Variants in LDLRAD4 observed in about 807,000 individuals in gnomAD.
LDLRAD4 encodes low-density lipoprotein receptor class A domain-containing protein 4.
In LDLRAD4, 5 loss-of-function variants were observed where a neutral mutation model predicts 17.0. The ratio of observed to expected loss-of-function variants is 0.29; its 90% confidence interval spans 0.15 to 0.62. The LOEUF (loss-of-function observed/expected upper bound fraction) is 0.62, where lower values mean the gene tolerates loss of function less well. Ranked by LOEUF, LDLRAD4 falls within the 20% of genes least tolerant of loss-of-function variation. The pLI is 0.84. For missense variants in LDLRAD4, 340 were observed against 424.7 expected (o/e 0.80, Z 1.75); for synonymous variants, 168 against 171.8 (o/e 0.98, Z 0.17).
chr18:13,489,017 G>T (rs1164861106), intron 3 of LDLRAD4: 1 of 152,222 alleles, frequency 6.6e-6, no homozygotes, highest in African/African-American at 2.4e-5. Flanking sequence ...AAGTGTGGGG[G>T]CAGACTCAAG....
intron 1 of LDLRAD4, among the ~76,000 whole-genome samples, chr18:13,315,789 A>G (rs945040754): frequency 1.3e-5 from 2 of 151,922 alleles, no homozygotes; most frequent in African/African-American, 4.8e-5. Context: ...CGTCTAAAAA[A>G]AAAAAAAAAA....
At chr18:13,544,775 C>A (rs1409789334) in intron 3 of LDLRAD4, among the ~76,000 whole-genome samples, 2 of 151,972 alleles carry the variant, frequency 1.3e-5, no homozygotes, top group African/African-American at 4.8e-5. Context: ...AGTGATTTTG[C>A]ACAGACCAAG....
intron 1 of LDLRAD4, among the ~76,000 whole-genome samples, chr18:13,334,394 C>T (rs550995536): frequency 2.6e-5 from 4 of 152,204 alleles, no homozygotes; most frequent in Non-Finnish European, 4.4e-5. Flanking sequence ...TGTGCCAGCA[C>T]GCCTGGCTAA....
In LDLRAD4 at chr18:13,513,041, C is replaced by T. The variant is rs371503444; in HGVS notation, c.181+74657C>T. The stretch of plus-strand genomic sequence containing the variant: ...GTTGCTCAGCAGCAGTTCCTTTAAA[C>T]GAATAAGGGTCTAAACTGCCCAGAG... On this transcript the variant is annotated intron_variant, in intron 3 of 5. Transcript: ENST00000359446. 1.2e-3 allele frequency among the ~76,000 whole-genome samples: 189 copies of T among 152,322 alleles called. 5 individuals are homozygous for T. In the South Asian group the frequency reaches 0.037, roughly 30 times the overall value.
chr18:13,293,196 A>G (rs921052479), intron 1 of LDLRAD4, among the ~76,000 whole-genome samples: 1 of 152,206 alleles, frequency 6.6e-6, no homozygotes, highest in African/African-American at 2.4e-5. Context: ...CCTGTGGTCA[A>G]TTTTTGGAAA....
intron 1 of LDLRAD4, among the ~76,000 whole-genome samples, chr18:13,348,346 CTGTT>C (rs2082828007): frequency 6.6e-6 from 1 of 152,194 alleles, no homozygotes; most frequent in African/African-American, 2.4e-5. Context: ...ACTCCAGACT[CTGTT>C]TGTCTGGGTA....
At chr18:13,337,739 G>GAAAAAAAAAAAA (rs1491429518) in intron 1 of LDLRAD4, among the ~76,000 whole-genome samples, 2 of 28,254 alleles carry the variant, frequency 7.1e-5, no homozygotes, top group African/African-American at 2.6e-4. Context: ...TTTACAAAAA[G>GAAAAAAAAAAAA]TAAAAAAAAA....
intron 1 of LDLRAD4, among the ~76,000 whole-genome samples, chr18:13,334,143 A>G (rs1275569189): frequency 6.6e-6 from 1 of 151,792 alleles, no homozygotes; most frequent in Non-Finnish European, 1.5e-5. Context: ...ATGTTTAAGT[A>G]TTTTCTTTTG....
At chr18:13,347,877 T>C (rs1369663027) in intron 1 of LDLRAD4, among the ~76,000 whole-genome samples, 1 of 152,258 alleles carries the variant, frequency 6.6e-6, no homozygotes, top group East Asian at 1.9e-4. Flanking sequence ...CTACTGAGGC[T>C]TGCGCATTCG....
chr18:13,370,116 A>G (rs1331514872), intron 1 of LDLRAD4, among the ~76,000 whole-genome samples: 1 of 152,278 alleles, frequency 6.6e-6, no homozygotes, highest in African/African-American at 2.4e-5. Context: ...GTCCATAGCA[A>G]AGTATTTTCC....
intron 1 of LDLRAD4, among the ~76,000 whole-genome samples, chr18:13,321,905 AAAGAAAAAG>A: frequency 8.4e-6 from 1 of 118,828 alleles, no homozygotes; most frequent in Admixed American, 8.6e-5. Context: ...AAAAAAAAGA[AAAGAAAAAG>A]AATAAAAAGA....
At chr18:13,331,847 T>A (rs1288986760) in intron 1 of LDLRAD4, among the ~76,000 whole-genome samples, 2 of 152,212 alleles carry the variant, frequency 1.3e-5, no homozygotes, top group African/African-American at 4.8e-5. Flanking sequence ...AGTATAAGTA[T>A]CTTCGGAATT....
intron 1 of LDLRAD4, among the ~76,000 whole-genome samples, chr18:13,357,286 G>A (rs1227617627): frequency 6.6e-6 from 1 of 152,024 alleles, no homozygotes; most frequent in Non-Finnish European, 1.5e-5. Flanking sequence ...GCTCTGTTGT[G>A]CAGGCTGGAC....
At chr18:13,261,160 T>C (rs1453170036) in intron 1 of LDLRAD4, among the ~76,000 whole-genome samples, 3 of 152,208 alleles carry the variant, frequency 2.0e-5, no homozygotes, top group Non-Finnish European at 2.9e-5. Flanking sequence ...GATGAGGGCA[T>C]TGGGAACGGT....
chr18:13,465,448 C>A (rs2092583780), intron 3 of LDLRAD4, among the ~76,000 whole-genome samples: 1 of 152,188 alleles, frequency 6.6e-6, no homozygotes, highest in South Asian at 2.1e-4. Flanking sequence ...AAATGCCCAT[C>A]CTGATGATTT....
At chr18:13,224,549 G>A (rs1394853906) in intron 1 of LDLRAD4, among the ~76,000 whole-genome samples, 7 of 125,626 alleles carry the variant, frequency 5.6e-5, no homozygotes, top group South Asian at 2.6e-4. Context: ...GCGCAATCTC[G>A]GCCCACTGTA....
intron 2 of LDLRAD4, among the ~76,000 whole-genome samples, chr18:13,413,259 G>A (rs1483210545): frequency 6.6e-6 from 1 of 152,214 alleles, no homozygotes; most frequent in Non-Finnish European, 1.5e-5. Context: ...AGTGGGGAGG[G>A]AAGGAGGTTT....
intron 1 of LDLRAD4, among the ~76,000 whole-genome samples, chr18:13,330,882 T>C (rs2081824270): frequency 6.6e-6 from 1 of 152,124 alleles, no homozygotes; most frequent in South Asian, 2.1e-4. Context: ...ATTATGACCA[T>C]ATAATGAAGT....
chr18:13,403,928 G>T (rs934234613), intron 2 of LDLRAD4, among the ~76,000 whole-genome samples: 5 of 152,216 alleles, frequency 3.3e-5, no homozygotes, highest in African/African-American at 1.2e-4. Context: ...CCATCTGGAT[G>T]CGCCCTGTCC....
Sources: gnomAD v4.1 joint callset for allele counts (sites outside exome capture counted in the v4.1 genomes callset) on GRCh38, gnomAD v4.1.1 for gene constraint, MANE v1.5 for transcripts, NCBI Gene and HGNC (gene_info 2026-07-23, HGNC 2026-07-21) for gene names.